The following CBY2 variants were observed in gnomAD, a reference collection of about 807,000 sequenced individuals.
CBY2 encodes the protein chibby family member 2.
A neutral mutation model predicts 25.3 loss-of-function variants in CBY2; 23 were observed. The ratio of observed to expected loss-of-function variants is 0.91; its 90% CI spans 0.65 to 1.29. The LOEUF (loss-of-function observed/expected upper bound fraction) is 1.29. Among genes scored for constraint, CBY2 ranks in the 50% most tolerant of loss-of-function variants. CBY2 has a pLI of 0.00. For synonymous variants in CBY2, 279 were observed against 260.2 expected (o/e 1.07, Z -0.70); for missense variants, 642 against 590.7 (o/e 1.09, Z -0.90).
In CBY2 at chr13:45,712,110, T is replaced by C. The variant is rs143615636; in HGVS notation, c.157-1072T>C. ...GCAATTTGGGTGGCTGTTTGGATGATTCATGCTGCTTCTCTGCTCATGCTA... is the reference window on the plus strand; with the variant it reads ...GCAATTTGGGTGGCTGTTTGGATGACTCATGCTGCTTCTCTGCTCATGCTA... On this transcript the variant is annotated intron_variant, in intron 2 of 2. Coordinates refer to ENST00000310521, the MANE Select transcript of CBY2 (RefSeq NM_152719.3). 7.9e-5 allele frequency among the ~76,000 whole-genome samples: 12 copies of C among 152,338 alleles called. No individual in the cohort carries two copies. The East Asian group carries it at 2.1e-3, about 27-fold the overall frequency.
At chr13:45,706,523 C>G (rs1307938341) in intron 2 of CBY2, among the ~76,000 whole-genome samples, 3 of 152,258 alleles carry the variant, frequency 2.0e-5, no homozygotes. Flanking sequence ...TATTCCCCTT[C>G]TGCATCAGCT....
intron 2 of CBY2, chr13:45,703,446 A>G: frequency 6.5e-7 from 1 of 1,537,998 alleles, no homozygotes; most frequent in South Asian, 1.2e-5. Context: ...TCCTTAGTGG[A>G]GTCCTCTTGA....
In CBY2 at chr13:45,704,389, G is replaced by A. The variant is rs1950228685; in HGVS notation, c.156+1534G>A. 1.3e-5 allele frequency among the ~76,000 whole-genome samples: 2 copies of A among 152,118 alleles called. No homozygotes were observed. Among genetic ancestry groups the A allele is most frequent in the Admixed American group, 6.5e-5 (1 of 15,286 alleles). ...GAGAGGATATCTCCTGTCTGGGCAC[G>A]TGTACCTCACAAGGGCAGATGCAGC... is the stretch of plus-strand genomic sequence containing the variant. On this transcript the variant is annotated intron_variant, in intron 2 of 2. Transcript: ENST00000310521. The surrounding 1 kb of genome is among the most constrained non-coding windows in gnomAD (Gnocchi z 4.1).
Position 45,713,571 on chromosome 13 carries a change from G to A in CBY2, c.546G>A (p.Leu182=), listed in dbSNP as rs772922632. 1.2e-6 allele frequency: 2 copies of A among 1,613,982 alleles called. No homozygotes were observed. Among genetic ancestry groups the A allele is most frequent in the African/African-American group, 1.3e-5 (1 of 75,010 alleles). Residue 182 remains leucine (L), a synonymous_variant, in exon 3 of 3, where the codon CTG becomes CTA. Transcript: ENST00000310521. The surrounding 1 kb of genome is among the most constrained non-coding windows in gnomAD (Gnocchi z 5.0). ...NKSLREENKA[L]REENRMLSKE... ...CTCTGCGGGAGGAGAACAAGGCCCT[G>A]CGCGAGGAGAACCGGATGCTCAGCA...
Position 45,713,089 on chromosome 13 carries a change from G to A in CBY2, c.157-93G>A, listed in dbSNP as rs1352632923. ...GTGGCCAGGCCAGACAATCAGACGG[G>A]GCTTATTTGGGGATGTCCTGGCCCC... On this transcript the variant is annotated intron_variant, in intron 2 of 2. Coordinates refer to ENST00000310521, the MANE Select transcript of CBY2 (RefSeq NM_152719.3). The surrounding 1 kb of genome is among the most constrained non-coding windows in gnomAD (Gnocchi z 5.0). The A allele has an allele frequency of 9.7e-7, 1 of 1,027,224 alleles. No homozygotes were observed. The highest frequency in any genetic ancestry group is 2.6e-5 in the East Asian group (1 of 38,344). The allele number at this position is 1,027,224 out of a possible 1,614,324, so 63.6% of individuals were successfully genotyped here.
At chr13:45,702,710 C>A in intron 1 of CBY2, 65 bp from the exon 2 acceptor site, 2 of 1,307,882 alleles carry the variant, frequency 1.5e-6, no homozygotes, top group Non-Finnish European at 2.2e-6. Context: ...GTTTTTTAGG[C>A]GAGCAATTGA....
In CBY2 at chr13:45,704,953, T is replaced by C. The variant is rs181108088; in HGVS notation, c.156+2098T>C. Among the ~76,000 whole-genome samples the C allele has an allele frequency of 6.6e-6, 1 of 152,298 alleles. No individual in the cohort carries two copies. The highest frequency in any genetic ancestry group is 1.9e-4 in the East Asian group (1 of 5,184). The stretch of plus-strand genomic sequence containing the variant: ...TTATTTTGTATTTGCCAAAAGCTGC[T>C]CTATTCTGGGATGGAGTCCACTTTC... On this transcript the variant is annotated intron_variant, in intron 2 of 2. Transcript: ENST00000310521. The surrounding 1 kb of genome is among the most constrained non-coding windows in gnomAD (Gnocchi z 4.1).
chr13:45,709,889 T>C (rs551615752), intron 2 of CBY2, among the ~76,000 whole-genome samples: 12 of 152,314 alleles, frequency 7.9e-5, no homozygotes, highest in African/African-American at 1.2e-4. Flanking sequence ...ACTTCACACA[T>C]AGAAGGTCAG....
intron 2 of CBY2, chr13:45,703,386 C>T: frequency 6.9e-7 from 1 of 1,454,904 alleles, no homozygotes; most frequent in Non-Finnish European, 9.0e-7. Flanking sequence ...TTGGTGAAGT[C>T]CTCACAGGCT....
chr13:45,710,311 T>A (rs1593356265), intron 2 of CBY2, among the ~76,000 whole-genome samples: 1 of 152,050 alleles, frequency 6.6e-6, no homozygotes, highest in Non-Finnish European at 1.5e-5. Flanking sequence ...GATCACAAGG[T>A]CAAGAGATCG....
At position 45,713,590 on chromosome 13, in the gene CBY2, C is replaced by A; in HGVS notation, c.565C>A (p.Leu189Ile). ...GGCCCTGCGCGAGGAGAACCGGATGCTCAGCAAGGAGAACAAGATCCTACA... is the reference window on the plus strand; with the variant it reads ...GGCCCTGCGCGAGGAGAACCGGATGATCAGCAAGGAGAACAAGATCCTACA... ...NKALREENRMLSKENKILQVF... is the reference protein window; with the variant it reads ...NKALREENRMISKENKILQVF... The change falls in exon 3 of 3, where the codon CTC (leucine) becomes ATC (isoleucine). Residue 189 changes from leucine (L) to isoleucine (I), a missense_variant. Leu to Ile is a conservative substitution (Grantham distance 5). Coordinates refer to ENST00000310521, the MANE Select transcript of CBY2 (RefSeq NM_152719.3). The surrounding 1 kb of genome is among the most constrained non-coding windows in gnomAD (Gnocchi z 5.0). 1.9e-6 allele frequency: 3 copies of A among 1,613,922 alleles called. No homozygotes were observed. The highest frequency in any genetic ancestry group is 2.5e-6 in the Non-Finnish European group (3 of 1,179,932).
chr13:45,714,386 C>A lies in CBY2; in HGVS notation c.*14C>A. ...AGCAGGGTCTGAGGCCTCGGCCTTGCACCGGGACGCCGAGTTTGGGACACC... is the reference window on the plus strand; with the variant it reads ...AGCAGGGTCTGAGGCCTCGGCCTTGAACCGGGACGCCGAGTTTGGGACACC... On this transcript the variant is annotated 3_prime_UTR_variant, in exon 3 of 3. Coordinates refer to ENST00000310521, the MANE Select transcript of CBY2 (RefSeq NM_152719.3). 1 of 1,559,766 alleles carries A rather than the reference C, an allele frequency of 6.4e-7. No individual in the cohort carries two copies. The highest frequency in any genetic ancestry group is 8.7e-7 in the Non-Finnish European group (1 of 1,150,992).
chr13:45,713,314 T>G lies in CBY2; in HGVS notation c.289T>G (p.Ser97Ala). 6.2e-7 allele frequency: 1 copy of G among 1,614,106 alleles called. No homozygotes were observed. Among genetic ancestry groups the G allele is most frequent in the Non-Finnish European group, 8.5e-7 (1 of 1,180,008 alleles). ...CTCCTATCCACTGAACCGCTTCTCCTCCGTGCCTTTAGACCCCATGGAGCG... is the reference window on the plus strand; with the variant it reads ...CTCCTATCCACTGAACCGCTTCTCCGCCGTGCCTTTAGACCCCATGGAGCG... ...QHSYPLNRFS[S>A]VPLDPMERPM... is the part of the protein sequence containing the mutation. Residue 97 changes from serine (S) to alanine (A), a missense_variant, in exon 3 of 3, where the codon TCC becomes GCC. Ser to Ala is a moderately conservative substitution (Grantham distance 99). Transcript: ENST00000310521. The surrounding 1 kb of genome is among the most constrained non-coding windows in gnomAD (Gnocchi z 5.0).
chr13:45,714,382 C>T lies in CBY2; in HGVS notation c.*10C>T, dbSNP rs940236677. On this transcript the variant is annotated 3_prime_UTR_variant, in exon 3 of 3. Coordinates refer to ENST00000310521, the MANE Select transcript of CBY2 (RefSeq NM_152719.3). ...GCCTAGCAGGGTCTGAGGCCTCGGC[C>T]TTGCACCGGGACGCCGAGTTTGGGA... 2 of 1,571,744 alleles carry T rather than the reference C, an allele frequency of 1.3e-6. No individual in the cohort carries two copies. Among genetic ancestry groups the T allele is most frequent in the African/African-American group, 2.7e-5 (2 of 73,912 alleles).
rs1950219643 is a variant in CBY2 at position 45,702,942 on chromosome 13, G to A, written c.156+87G>A. 6.3e-6 allele frequency: 8 copies of A among 1,271,608 alleles called. No homozygotes were observed. In the South Asian group the frequency reaches 1.0e-4, roughly 16 times the overall value. The allele number at this position is 1,271,608 out of a possible 1,614,324, so 78.8% of individuals were successfully genotyped here. A position where few individuals can be genotyped will look rare whatever the true frequency, so the allele number is the denominator to read the frequency against. On this transcript the variant is annotated intron_variant, in intron 2 of 2. Coordinates refer to ENST00000310521, the MANE Select transcript of CBY2 (RefSeq NM_152719.3). ...TCCTTCAAAACTCTAGCAAGATGTT[G>A]TAGAATAAGCAGAGATAGTCAGGGC... is the stretch of plus-strand genomic sequence containing the variant.
Position 45,713,494 on chromosome 13 carries a change from C to A in CBY2, c.469C>A (p.Leu157Met). The change falls in exon 3 of 3, where the codon CTG becomes ATG. Residue 157 changes from leucine to methionine, a missense_variant. Coordinates refer to ENST00000310521, the MANE Select transcript of CBY2 (RefSeq NM_152719.3). This position sits in a 1 kb window ranked among gnomAD's most constrained non-coding sequence, Gnocchi z 5.0. The stretch of plus-strand genomic sequence containing the variant: ...CCCATCCGCCTCCTTCCACCACAAG[C>A]TGCACCACAAGAGGCTGGCCAAGGA... ...FSPSASFHHK[L>M]HHKRLAKECM... 6.2e-7 allele frequency: 1 copy of A among 1,614,210 alleles called. No homozygotes were observed. The highest frequency in any genetic ancestry group is 2.2e-5 in the East Asian group (1 of 44,878).
chr13:45,704,520 A>G lies in CBY2; in HGVS notation c.156+1665A>G, dbSNP rs1397197123. On this transcript the variant is annotated intron_variant, in intron 2 of 2. Transcript: ENST00000310521. The surrounding 1 kb of genome is among the most constrained non-coding windows in gnomAD (Gnocchi z 4.1). ...TGGGGGATGGGTGTGGGTGTCTACA[A>G]CTAGATGATCCGAACCAAAATACCA... is the stretch of plus-strand genomic sequence containing the variant. 6.6e-6 allele frequency among the ~76,000 whole-genome samples: 1 copy of G among 152,194 alleles called. No individual in the cohort carries two copies.
rs756915872 is a variant in CBY2 at position 45,712,346 on chromosome 13, T to G, written c.157-836T>G. Among the ~76,000 whole-genome samples, 110 of 152,232 alleles carry G rather than the reference T, an allele frequency of 7.2e-4. 1 individual carries two copies. The highest frequency in any genetic ancestry group is 2.4e-4 in the Non-Finnish European group (16 of 68,038). ...TCAAATAACTTGCTCAAATTCTTGT[T>G]AATTGGTAAGTAGTGAGGCAAAGAC... On this transcript the variant is annotated intron_variant, in intron 2 of 2. Transcript: ENST00000310521.
Position 45,704,807 on chromosome 13 carries a change from C to T in CBY2, c.156+1952C>T, listed in dbSNP as rs1037841483. On this transcript the variant is annotated intron_variant, in intron 2 of 2. Coordinates refer to ENST00000310521, the MANE Select transcript of CBY2 (RefSeq NM_152719.3). This position sits in a 1 kb window ranked among gnomAD's most constrained non-coding sequence, Gnocchi z 4.1. ...AACTCAAATCAGTGCCCATGTTCTC[C>T]GCTATACTAGGGCACATGCCAGTAA... 2.6e-5 allele frequency among the ~76,000 whole-genome samples: 4 copies of T among 152,306 alleles called. No individual in the cohort carries two copies. The highest frequency in any genetic ancestry group is 2.0e-4 in the Admixed American group (3 of 15,296).
Sources: gnomAD v4.1 joint callset for allele counts (sites outside exome capture counted in the v4.1 genomes callset) on GRCh38, gnomAD v4.1.1 for gene constraint, Gnocchi (gnomAD v3.1) non-coding constraint, MANE v1.5 for transcripts, NCBI Gene and HGNC (gene_info 2026-07-23, HGNC 2026-07-21) for gene names.